Variants in MTRR observed in about 807,000 individuals in gnomAD.
MTRR encodes the protein methionine synthase reductase.
In MTRR, 63 loss-of-function variants were observed where a neutral mutation model predicts 79.2. The observed-to-expected ratio is 0.80, with a 90% CI of 0.65 to 0.98. MTRR has a LOEUF of 0.98. MTRR is among the 50% of genes least tolerant of loss of function. The probability of loss-of-function intolerance (pLI) is 0.00; values close to 1 mark genes in which losing one functional copy is unlikely to be tolerated. For synonymous variants in MTRR, 355 were observed against 313.3 expected (o/e 1.13, Z -1.41); for missense variants, 895 against 839.6 (o/e 1.07, Z -0.82).
upstream of MTRR, chr5:7,866,617 C>G: frequency 6.6e-7 from 1 of 1,508,380 alleles, no homozygotes; most frequent in Non-Finnish European, 8.9e-7. Flanking sequence ...TTACTTTTTT[C>G]CAACTGTCAG....
intron 1 of MTRR, 29 bp downstream of exon 1, chr5:7,869,244 G>A (rs374300772): frequency 1.2e-6 from 2 of 1,601,168 alleles, no homozygotes; most frequent in South Asian, 2.2e-5. Flanking sequence ...ACGGTTCCCG[G>A]ATTCCGGCCG....
intron 1 of MTRR, chr5:7,861,779 A>G (rs1343565761): frequency 2.8e-6 from 4 of 1,449,774 alleles, no homozygotes; most frequent in Non-Finnish European, 2.7e-6. Context: ...GAAGGCTGCA[A>G]AGTAATGACC....
upstream of MTRR, chr5:7,867,853 A>G: frequency 6.2e-7 from 1 of 1,614,218 alleles, no homozygotes; most frequent in Non-Finnish European, 8.5e-7. Flanking sequence ...ACACTGGTCC[A>G]CCGAGTGGAT....
At chr5:7,875,508 T>C (rs1748723244) in intron 4 of MTRR, 133 bp downstream of exon 4, 1 of 867,742 alleles carries the variant, frequency 1.2e-6, no homozygotes, top group Non-Finnish European at 2.0e-6. Context: ...TTTTTAGCTT[T>C]AGGATCCAAG....
chr5:7,879,202 G>T (rs1457534749), intron 5 of MTRR, among the ~76,000 whole-genome samples: 1 of 152,100 alleles, frequency 6.6e-6, no homozygotes, highest in Non-Finnish European at 1.5e-5. Context: ...TGAGATAATT[G>T]CAGTAAGTGT....
intron 7 of MTRR, 116 bp downstream of exon 7, chr5:7,885,970 G>T (rs748490101): frequency 1.2e-4 from 168 of 1,349,216 alleles, no homozygotes; most frequent in Non-Finnish European, 1.7e-4. Flanking sequence ...GATGCCTGGG[G>T]CTCAGCTGCG....
intron 2 of MTRR, among the ~76,000 whole-genome samples, chr5:7,872,062 C>T (rs1438274940): frequency 2.6e-5 from 4 of 152,070 alleles, no homozygotes; most frequent in Non-Finnish European, 5.9e-5. Flanking sequence ...CTGATGGTTT[C>T]GTCTAGCTGT....
intron 9 of MTRR, 53 bp from the exon 10 acceptor site, chr5:7,891,311 TTAGGTAAG>T: frequency 1.1e-6 from 1 of 870,134 alleles, no homozygotes; most frequent in Non-Finnish European, 1.8e-6. Context: ...TTTTTTTTTT[TTAGGTAAG>T]GTTATTTTCA....
At chr5:7,887,803 T>C (rs1457862564) in intron 8 of MTRR, among the ~76,000 whole-genome samples, 23 of 36,266 alleles carry the variant, frequency 6.3e-4, no homozygotes, top group Admixed American at 3.8e-3. Context: ...CATATATATA[T>C]ATATATATAT....
intron 4 of MTRR, among the ~76,000 whole-genome samples, chr5:7,877,737 T>C (rs1369394216): frequency 2.6e-5 from 4 of 152,148 alleles, no homozygotes; most frequent in African/African-American, 9.7e-5. Flanking sequence ...TACATACTCA[T>C]GTTTTCAGCT....
rs1579792709 is a variant in MTRR at position 7,892,838 on chromosome 5, C to T, written c.1482C>T (p.Ala494=). 1.2e-6 allele frequency: 2 copies of T among 1,614,216 alleles called. No individual in the cohort carries two copies. Among genetic ancestry groups the T allele is most frequent in the South Asian group, 2.2e-5 (2 of 91,084 alleles). The stretch of plus-strand genomic sequence containing the variant: ...AGGGAGTATGTACAGGCTGGCTGGC[C>T]TTGTTGGTTGCTTCAGTTCTTCAGC... The part of the protein sequence containing the change: ...LRKGVCTGWL[A]LLVASVLQPN... The change falls in exon 11 of 15, where the codon GCC becomes GCT. Residue 494 remains alanine, a synonymous_variant. Transcript: ENST00000440940.
intron 1 of MTRR, among the ~76,000 whole-genome samples, chr5:7,859,741 AT>A (rs1746395834): frequency 6.6e-6 from 1 of 152,250 alleles, no homozygotes; most frequent in African/African-American, 2.4e-5. Flanking sequence ...CTTGGTAAAT[AT>A]TTGATGAATT....
rs1338447302 is a variant in MTRR at position 7,889,062 on chromosome 5, G to A, written c.1147-33G>A. 3 of 1,613,106 alleles carry A rather than the reference G, an allele frequency of 1.9e-6. No individual in the cohort carries two copies. The African/African-American group carries it at 4.0e-5, about 22-fold the overall frequency. On this transcript the variant is annotated intron_variant, in intron 8 of 14. Transcript: ENST00000440940. ...ATTCTAATAGCTCTACCCACAAATT[G>A]TGTCACAATTTAAGGCGGGCTCCTT...
At chr5:7,875,543 C>T (rs938481626) in intron 4 of MTRR, among the ~76,000 whole-genome samples, 168 bp downstream of exon 4, 18 of 152,166 alleles carry the variant, frequency 1.2e-4, no homozygotes, top group East Asian at 5.8e-4. Context: ...ATTGATTTAC[C>T]TATTTTGCTG....
At chr5:7,867,303 T>TA (rs774104646), upstream of MTRR, 2 of 1,613,804 alleles carry the variant, frequency 1.2e-6, no homozygotes, top group South Asian at 2.2e-5. Context: ...TGCAAGATTC[T>TA]ATAAAGGGCC....
At chr5:7,871,045 G>A (rs998528929) in intron 2 of MTRR, 122 bp downstream of exon 2, 19 of 1,193,746 alleles carry the variant, frequency 1.6e-5, no homozygotes, top group African/African-American at 7.5e-5. Context: ...TAACAGAAAT[G>A]TGTTTGTTCA....
chr5:7,866,781 C>T (rs775863681), upstream of MTRR: 7 of 1,613,986 alleles, frequency 4.3e-6, no homozygotes, highest in East Asian at 2.2e-5. Context: ...GTGAATAGCA[C>T]GTTTTCCAGC....
chr5:7,870,449 A>G, intron 1 of MTRR: 1 of 358,858 alleles, frequency 2.8e-6, no homozygotes, highest in East Asian at 6.8e-5. Flanking sequence ...TTTTTAGGAT[A>G]AAGGAGCTGT....
intron 6 of MTRR, 140 bp from the exon 7 acceptor site, chr5:7,885,561 T>TG (rs1736271325): frequency 2.1e-5 from 17 of 825,040 alleles, no homozygotes; most frequent in South Asian, 8.9e-5. Context: ...AACAATTGTG[T>TG]GTTTTTTTTT....
Sources: gnomAD v4.1 joint callset for allele counts (sites outside exome capture counted in the v4.1 genomes callset) on GRCh38, gnomAD v4.1.1 for gene constraint, MANE v1.5 for transcripts, NCBI Gene and HGNC (gene_info 2026-07-23, HGNC 2026-07-21) for gene names.